The following ZNF84 variants were observed in gnomAD, a reference collection of about 807,000 sequenced individuals.
ZNF84 encodes zinc finger protein HPF2.
A neutral mutation model predicts 14.8 loss-of-function variants in ZNF84; 12 were observed. The observed-to-expected ratio is 0.81, with a 90% CI of 0.52 to 1.31. The LOEUF is 1.31. Ranked by LOEUF, ZNF84 falls within the 50% of genes most tolerant of loss-of-function variation. The pLI, the probability that ZNF84 is intolerant of heterozygous loss-of-function variation, is 0.00. For missense variants in ZNF84, 859 were observed against 878.6 expected (o/e 0.98, Z 0.28); for synonymous variants, 347 against 291.1 (o/e 1.19, Z -1.96).
At position 133,041,417 on chromosome 12, in the gene ZNF84, C is replaced by T. The variant is rs1327353924; in HGVS notation, c.-51C>T. 1 of 1,605,978 alleles carries T rather than the reference C, an allele frequency of 6.2e-7. No homozygotes were observed. Among genetic ancestry groups the T allele is most frequent in the Admixed American group, 1.7e-5 (1 of 59,992 alleles). On this transcript the variant is annotated 5_prime_UTR_variant, in exon 2 of 5. Coordinates refer to ENST00000539354, the MANE Select transcript of ZNF84 (RefSeq NM_001289971.2). ...TTTTGGGGCAGAAGCAGAAGAGACGCACAGTAGAACCGATCTCAGCCTTGC... is the reference window on the plus strand; with the variant it reads ...TTTTGGGGCAGAAGCAGAAGAGACGTACAGTAGAACCGATCTCAGCCTTGC...
chr12:133,043,545 A>G (rs1953922971), intron 2 of ZNF84, among the ~76,000 whole-genome samples: 1 of 152,078 alleles, frequency 6.6e-6, no homozygotes, highest in South Asian at 2.1e-4. Flanking sequence ...TACTTTGATC[A>G]TTTCTTCTTG....
At chr12:133,054,011 C>A (rs912995735) in intron 4 of ZNF84, among the ~76,000 whole-genome samples, 4 of 152,180 alleles carry the variant, frequency 2.6e-5, no homozygotes, top group Admixed American at 6.5e-5. Flanking sequence ...TACTGATTAT[C>A]TTTCTTACCT....
rs1247614296 is a variant in ZNF84 at position 133,062,958 on chromosome 12, CTG to C, written c.*4029_*4030del. 4.2e-5 allele frequency: 26 copies of C among 621,204 alleles called. No individual in the cohort carries two copies. In the Admixed American group the frequency reaches 6.6e-4, roughly 16 times the overall value. The allele number at this position is 621,204 out of a possible 1,614,324, so 38.5% of individuals were successfully genotyped here. A position where few individuals can be genotyped will look rare whatever the true frequency, so the allele number is the denominator to read the frequency against. On this transcript the variant is annotated 3_prime_UTR_variant, in exon 5 of 5. Coordinates refer to ENST00000539354, the MANE Select transcript of ZNF84 (RefSeq NM_001289971.2). ...TATGAACCTGTACGTGTGTTTCTCA[CTG>C]TGATAATATAATCATTGCATGTTTT...
intron 1 of ZNF84, 26 bp from the exon 2 acceptor site, chr12:133,041,252 C>A: frequency 1.8e-6 from 1 of 552,220 alleles, no homozygotes; most frequent in Non-Finnish European, 3.2e-6. Flanking sequence ...TGTGAATATA[C>A]CAGTTGAAGT....
Position 133,057,164 on chromosome 12 carries a change from A to G in ZNF84, c.449A>G (p.Tyr150Cys). The G allele has an allele frequency of 1.2e-6, 2 of 1,611,030 alleles. No homozygotes were observed. The highest frequency in any genetic ancestry group is 1.1e-5 in the South Asian group (1 of 90,100). The change falls in exon 5 of 5, where the codon TAT becomes TGT. Residue 150 changes from tyrosine (Y) to cysteine (C), a missense_variant. Physicochemically the swap from Tyr to Cys is radical, Grantham distance 194. Transcript: ENST00000539354. ...GATTTGCTTATTCCAAAAGGAGATTATGGAAAAGCAGAATCAGATGACTTT... is the reference window on the plus strand; with the variant it reads ...GATTTGCTTATTCCAAAAGGAGATTGTGGAAAAGCAGAATCAGATGACTTT... ...HLDLLIPKGD[Y>C]GKAESDDFNV... is the part of the protein sequence containing the mutation.
chr12:133,041,878 T>C (rs1953894586), intron 2 of ZNF84, among the ~76,000 whole-genome samples: 1 of 152,244 alleles, frequency 6.6e-6, no homozygotes, highest in Admixed American at 6.5e-5. Flanking sequence ...TGATGAAGTC[T>C]TATGAATGAG....
intron 2 of ZNF84, among the ~76,000 whole-genome samples, chr12:133,046,626 G>A (rs1362949144): frequency 6.6e-6 from 1 of 150,696 alleles, no homozygotes; most frequent in African/African-American, 2.4e-5. Flanking sequence ...CGACTTTTGA[G>A]AGTATTATTT....
intron 2 of ZNF84, among the ~76,000 whole-genome samples, chr12:133,046,831 TTTATATATATTTTATA>T (rs1953986224): frequency 6.8e-6 from 1 of 146,040 alleles, no homozygotes; most frequent in Non-Finnish European, 1.5e-5. Context: ...CCAGCTAATA[TTTATATATATTTTATA>T]TTATATATAT....
chr12:133,039,903 A>G (rs1593692996), intron 1 of ZNF84, among the ~76,000 whole-genome samples: 1 of 147,586 alleles, frequency 6.8e-6, no homozygotes, highest in Non-Finnish European at 1.5e-5. Flanking sequence ...ACCAGGCTGG[A>G]GTACAATGGC....
In ZNF84 at chr12:133,058,146, T is replaced by C; in HGVS notation, c.1431T>C (p.His477=). Residue 477 remains histidine, a synonymous_variant, in exon 5 of 5, where the codon CAT becomes CAC. Transcript: ENST00000539354. ...GCAGGAAATCACAGCTCGTTAGACA[T>C]CAGAGAACTCATACGGGAGAAAAAC... ...AFSRKSQLVR[H]QRTHTGEKPY... 6.2e-7 allele frequency: 1 copy of C among 1,614,006 alleles called. No homozygotes were observed. The highest frequency in any genetic ancestry group is 8.5e-7 in the Non-Finnish European group (1 of 1,180,028).
rs1954180277 is a variant in ZNF84 at position 133,057,484 on chromosome 12, C to G, written c.769C>G (p.His257Asp). 6.2e-7 allele frequency: 1 copy of G among 1,614,226 alleles called. No individual in the cohort carries two copies. The highest frequency in any genetic ancestry group is 1.7e-5 in the Admixed American group (1 of 60,020). Residue 257 changes from histidine (H) to aspartate (D), a missense_variant, in exon 5 of 5, where the codon CAT (histidine) becomes GAT (aspartate). By Grantham distance (81) the His-to-Asp change is moderately conservative. Transcript: ENST00000539354. Reference sequence around the variant, plus strand: ...TCAGTTTATTACACATCACAGAACTCATACAGGAGAAAAACCTTATAATTG... The same window carrying G: ...TCAGTTTATTACACATCACAGAACTGATACAGGAGAAAAACCTTATAATTG... ...KSQFITHHRT[H>D]TGEKPYNCSQ...
At chr12:133,038,574 G>T (rs1953830666) in intron 1 of ZNF84, among the ~76,000 whole-genome samples, 1 of 147,592 alleles carries the variant, frequency 6.8e-6, no homozygotes, top group Non-Finnish European at 1.5e-5. Flanking sequence ...AAAAAAAAAA[G>T]TGTCCGAATT....
At chr12:133,053,004 A>G (rs1954097919) in intron 4 of ZNF84, among the ~76,000 whole-genome samples, 1 of 152,236 alleles carries the variant, frequency 6.6e-6, no homozygotes. Flanking sequence ...ACTAGACCAT[A>G]CTCAACTTGT....
At chr12:133,056,236 G>A (rs1954155771) in intron 4 of ZNF84, among the ~76,000 whole-genome samples, 2 of 151,910 alleles carry the variant, frequency 1.3e-5, no homozygotes, top group African/African-American at 4.8e-5. Flanking sequence ...TATAATGACA[G>A]GAACTTATTT....
intron 2 of ZNF84, 88 bp from the exon 3 acceptor site, chr12:133,047,867 T>C: frequency 6.8e-7 from 1 of 1,466,130 alleles, no homozygotes; most frequent in Non-Finnish European, 9.4e-7. Context: ...TAACTTGTTA[T>C]GAGAATGAAG....
intron 4 of ZNF84, chr12:133,050,398 A>G (rs1593705707): frequency 2.3e-5 from 9 of 398,054 alleles, no homozygotes; most frequent in Non-Finnish European, 3.1e-5. Context: ...ATACAGACCA[A>G]TCTTATGCTT....
At chr12:133,048,477 A>G (rs1235236070) in intron 3 of ZNF84, 2 of 308,252 alleles carry the variant, frequency 6.5e-6, no homozygotes, top group African/African-American at 2.1e-5. Flanking sequence ...AGGCCAAGAG[A>G]GGTTAAGTAA....
Position 133,058,335 on chromosome 12 carries a change from G to A in ZNF84, c.1620G>A (p.Glu540=), listed in dbSNP as rs200425172. ...LISHQRTHTG[E]KPYECSECGK... is the part of the protein sequence containing the mutation. Reference sequence around the variant, plus strand: ...CACATCAGAGGACACATACAGGGGAGAAACCCTATGAATGCAGTGAATGTG... The same window carrying A: ...CACATCAGAGGACACATACAGGGGAAAAACCCTATGAATGCAGTGAATGTG... Residue 540 remains glutamate, a synonymous_variant, in exon 5 of 5, where the codon GAG becomes GAA. Coordinates refer to ENST00000539354, the MANE Select transcript of ZNF84 (RefSeq NM_001289971.2). The A allele has an allele frequency of 8.7e-6, 14 of 1,613,772 alleles. No individual in the cohort carries two copies. The highest frequency in any genetic ancestry group is 3.3e-4 in the Middle Eastern group (2 of 6,084).
intron 2 of ZNF84, among the ~76,000 whole-genome samples, chr12:133,044,915 A>G (rs1953952649): frequency 6.7e-6 from 1 of 150,072 alleles, no homozygotes; most frequent in East Asian, 1.9e-4. Context: ...CTCCATCTCA[A>G]AAAAAAAAAG....
Sources: gnomAD v4.1 joint callset for allele counts (sites outside exome capture counted in the v4.1 genomes callset) on GRCh38, gnomAD v4.1.1 for gene constraint, MANE v1.5 for transcripts, NCBI Gene and HGNC (gene_info 2026-07-23, HGNC 2026-07-21) for gene names.